TIMELESS: variants seen among roughly 807,000 people sequenced by gnomAD.
The protein encoded by TIMELESS is timeless circadian regulator, also known as protein timeless homolog.
Under a neutral mutation model 164.3 loss-of-function variants are expected in TIMELESS, and 124 were observed. The ratio of observed to expected loss-of-function variants is 0.75; its 90% CI spans 0.65 to 0.88. The LOEUF (loss-of-function observed/expected upper bound fraction) is 0.88, where lower values mean the gene tolerates loss of function less well. Ranked by LOEUF, TIMELESS falls within the 40% of genes least tolerant of loss-of-function variation. TIMELESS has a pLI of 0.00. For missense variants in TIMELESS, 1,422 were observed against 1,491.4 expected (o/e 0.95, Z 0.77); for synonymous variants, 564 against 563.4 (o/e 1.00, Z -0.02).
At position 56,433,775 on chromosome 12, in the gene TIMELESS, G is replaced by A. The variant is rs150277522; in HGVS notation, c.249C>T (p.Ile83=). ...HQDKPLFDAV[I]RLMVNLTQPA... ...AGTTTAAAAGCTAGGGAGGCAACCT[G>A]ATAACAGCATCAAAGAGAGGCTTGT... The change falls in exon 3 of 29, where the codon ATC becomes ATT. Residue 83 remains isoleucine, a splice_region_variant and synonymous_variant. Coordinates refer to ENST00000553532, the MANE Select transcript of TIMELESS (RefSeq NM_003920.5). 1 of 1,614,234 alleles carries A rather than the reference G, an allele frequency of 6.2e-7. No individual in the cohort carries two copies. The highest frequency in any genetic ancestry group is 8.5e-7 in the Non-Finnish European group (1 of 1,180,036).
At position 56,433,825 on chromosome 12, in the gene TIMELESS, G is replaced by C. The variant is rs757992780; in HGVS notation, c.199C>G (p.Pro67Ala). Reference sequence around the variant, plus strand: ...TCCTGGTGGTGCTGGGTGAGGATGGGCAGAAGGTCGCTCTGTAGGATCTGG... The same window carrying C: ...TCCTGGTGGTGCTGGGTGAGGATGGCCAGAAGGTCGCTCTGTAGGATCTGG... ...AAQILQSDLL[P>A]ILTQHHQDKP... Residue 67 changes from proline (P) to alanine (A), a missense_variant, in exon 3 of 29, where the codon CCC becomes GCC. Transcript: ENST00000553532. 6.2e-7 allele frequency: 1 copy of C among 1,614,168 alleles called. No individual in the cohort carries two copies. The highest frequency in any genetic ancestry group is 2.2e-5 in the East Asian group (1 of 44,892).
intron 5 of TIMELESS, 21 bp downstream of exon 5, chr12:56,433,360 G>A: frequency 6.2e-7 from 1 of 1,613,306 alleles, no homozygotes; most frequent in Non-Finnish European, 8.5e-7. Flanking sequence ...ATGGTATCCT[G>A]TAAGGTGAAG....
intron 8 of TIMELESS, 116 bp downstream of exon 8, chr12:56,431,355 A>AG: frequency 7.8e-6 from 2 of 255,216 alleles, no homozygotes; most frequent in South Asian, 1.3e-4. Context: ...ATTCTGTCTC[A>AG]AAAAAAAAAA....
At chr12:56,440,786 C>T (rs984241659) in intron 1 of TIMELESS, among the ~76,000 whole-genome samples, 4 of 152,190 alleles carry the variant, frequency 2.6e-5, no homozygotes, top group African/African-American at 9.7e-5. Flanking sequence ...AAAGCATTAG[C>T]ACTTAGAACA....
Position 56,424,862 on chromosome 12 carries a change from C to A in TIMELESS, c.1768G>T (p.Val590Leu). 1 of 1,614,238 alleles carries A rather than the reference C, an allele frequency of 6.2e-7. No homozygotes were observed. Residue 590 changes from valine to leucine, a missense_variant, in exon 15 of 29, where the codon GTG becomes TTG. Transcript: ENST00000553532. ...SVVPFDAASE[V>L]PVEEQRAEAM... ...TCTGCCCGCTGCTCCTCCACTGGCACCTCTGAGGCCGCATCAAAGGGAACC... is the reference window on the plus strand; with the variant it reads ...TCTGCCCGCTGCTCCTCCACTGGCAACTCTGAGGCCGCATCAAAGGGAACC...
chr12:56,440,521 G>T (rs1050178522), intron 1 of TIMELESS, among the ~76,000 whole-genome samples: 1 of 152,178 alleles, frequency 6.6e-6, no homozygotes, highest in African/African-American at 2.4e-5. Flanking sequence ...TTGAGACCCA[G>T]TAGTATGAAC....
At chr12:56,448,451 G>A (rs188265917) in intron 1 of TIMELESS, among the ~76,000 whole-genome samples, 1 of 150,714 alleles carries the variant, frequency 6.6e-6, no homozygotes, top group Admixed American at 6.6e-5. Flanking sequence ...AACAGGCCAG[G>A]CGCGGTGGCT....
At chr12:56,428,437 G>C (rs1431462663) in intron 12 of TIMELESS, 32 bp from the exon 13 acceptor site, 41 of 1,604,820 alleles carry the variant, frequency 2.6e-5, no homozygotes, top group Non-Finnish European at 3.3e-5. Flanking sequence ...GGATGGAAGG[G>C]CTATTCTGGA....
At position 56,417,647 on chromosome 12, in the gene TIMELESS, C is replaced by G; in HGVS notation, c.*69G>C. 6.6e-7 allele frequency: 1 copy of G among 1,509,704 alleles called. No homozygotes were observed. The highest frequency in any genetic ancestry group is 9.2e-7 in the Non-Finnish European group (1 of 1,085,926). 93.5% of individuals were successfully genotyped at this position (1,509,704 alleles called of 1,614,324 possible). On this transcript the variant is annotated 3_prime_UTR_variant, in exon 29 of 29. Coordinates refer to ENST00000553532, the MANE Select transcript of TIMELESS (RefSeq NM_003920.5). ...GAGGAGCTTCTGGGTCCTGTATGAC[C>G]CTTCCAACTCTGACTTGAATGCACC... is the stretch of plus-strand genomic sequence containing the variant.
chr12:56,434,150 GTTCATCATGTGCAA>G lies in TIMELESS; in HGVS notation c.7_20del (p.His4Ter), dbSNP rs1243081956. ...CACTACATGTGGCTAGAAGTTCACA[GTTCATCATGTGCAA>G]GTCCATACATCAGTGGACCAACCAA... is the stretch of plus-strand genomic sequence containing the variant. On this transcript the variant is annotated frameshift_variant, in exon 2 of 29. Coordinates refer to ENST00000553532, the MANE Select transcript of TIMELESS (RefSeq NM_003920.5). LOFTEE classifies it high-confidence loss of function. 2.5e-6 allele frequency: 4 copies of G among 1,614,038 alleles called. No individual in the cohort carries two copies. The highest frequency in any genetic ancestry group is 3.4e-6 in the Non-Finnish European group (4 of 1,180,004).
At chr12:56,420,048 A>ATATATATATATATGTGTG (rs1473074484) in intron 26 of TIMELESS, among the ~76,000 whole-genome samples, 6 of 87,334 alleles carry the variant, frequency 6.9e-5, no homozygotes, top group African/African-American at 3.0e-4. Flanking sequence ...ATATATATAT[A>ATATATATATATATGTGTG]TGTGTGTGTG....
intron 15 of TIMELESS, among the ~76,000 whole-genome samples, chr12:56,424,464 C>CT (rs1881605899): frequency 6.6e-6 from 1 of 152,004 alleles, no homozygotes; most frequent in Non-Finnish European, 1.5e-5. Context: ...TTTCTCTTAA[C>CT]GTTATAAGAA....
chr12:56,423,140 CCTGT>C (rs1465094964), intron 18 of TIMELESS, 130 bp downstream of exon 18: 33 of 1,393,630 alleles, frequency 2.4e-5, no homozygotes, highest in Non-Finnish European at 2.8e-5. Flanking sequence ...CCTCAACCTG[CCTGT>C]CTACTTTCTC....
At chr12:56,424,710 T>G in intron 15 of TIMELESS, 52 bp downstream of exon 15, 1 of 1,593,198 alleles carries the variant, frequency 6.3e-7, no homozygotes. Flanking sequence ...ACCGCAGTGA[T>G]GGCCTCCTCC....
chr12:56,423,209 A>T (rs940540798), intron 18 of TIMELESS, 65 bp downstream of exon 18: 1 of 1,574,492 alleles, frequency 6.4e-7, no homozygotes, highest in Non-Finnish European at 8.7e-7. Context: ...TATCTCCTGA[A>T]GATTATTTAT....
At chr12:56,431,015 C>G in intron 8 of TIMELESS, 47 bp from the exon 9 acceptor site, 1 of 1,314,060 alleles carries the variant, frequency 7.6e-7, no homozygotes, top group Non-Finnish European at 1.1e-6. Context: ...TCTCTGGAAA[C>G]TTTATCTCCA....
intron 1 of TIMELESS, among the ~76,000 whole-genome samples, chr12:56,445,161 C>T (rs191768849): frequency 3.2e-4 from 49 of 152,030 alleles, no homozygotes; most frequent in African/African-American, 1.2e-3. Context: ...CGCAGTGGCT[C>T]ATGCCTGTAA....
At position 56,430,145 on chromosome 12, in the gene TIMELESS, A is replaced by G. The variant is rs1244665176; in HGVS notation, c.1046T>C (p.Phe349Ser). 1 of 1,613,916 alleles carries G rather than the reference A, an allele frequency of 6.2e-7. No individual in the cohort carries two copies. The highest frequency in any genetic ancestry group is 1.7e-5 in the Admixed American group (1 of 59,946). The change falls in exon 10 of 29, where the codon TTC becomes TCC. Residue 349 changes from phenylalanine to serine, a missense_variant. Coordinates refer to ENST00000553532, the MANE Select transcript of TIMELESS (RefSeq NM_003920.5). ...RLFLRDFCSE[F>S]LENCYNRLMG... Reference sequence around the variant, plus strand: ...GAGCCGGTTGTAACAGTTCTCCAGGAACTCAGAGCAGAAGTCTCTGAGGAA... The same window carrying G: ...GAGCCGGTTGTAACAGTTCTCCAGGGACTCAGAGCAGAAGTCTCTGAGGAA...
chr12:56,442,722 A>G (rs1399571741), intron 1 of TIMELESS, among the ~76,000 whole-genome samples: 4 of 152,198 alleles, frequency 2.6e-5, no homozygotes, highest in Non-Finnish European at 5.9e-5. Context: ...CTATAGTGAT[A>G]TAAGATAGAT....
Sources: allele counts gnomAD v4.1 joint callset (sites outside exome capture counted in the v4.1 genomes callset), GRCh38; gene constraint gnomAD v4.1.1; transcripts MANE v1.5; gene names NCBI Gene and HGNC (gene_info 2026-07-23, HGNC 2026-07-21).